The following CD9 variants were observed in gnomAD, a reference collection of about 807,000 sequenced individuals.
CD9 encodes the protein CD9 antigen.
Under a neutral mutation model 31.4 loss-of-function variants are expected in CD9, and 10 were observed. The ratio of observed to expected loss-of-function variants is 0.32; its 90% confidence interval spans 0.20 to 0.54. The LOEUF is 0.54. CD9 is among the 20% of genes least tolerant of loss of function. CD9 has a pLI of 0.94. For synonymous variants in CD9, 113 were observed against 114.1 expected (o/e 0.99, Z 0.06); for missense variants, 259 against 300.1 (o/e 0.86, Z 1.01).
chr12:6,209,741 G>A (rs547900407), intron 1 of CD9, among the ~76,000 whole-genome samples: 1 of 146,598 alleles, frequency 6.8e-6, no homozygotes, highest in Admixed American at 6.9e-5. Flanking sequence ...CTGGAGTGTA[G>A]TGGCACAATC....
Position 6,232,716 on chromosome 12 carries a change from G to C in CD9, c.260G>C (p.Cys87Ser). The C allele has an allele frequency of 1.3e-6, 2 of 1,559,208 alleles. No homozygotes were observed. The highest frequency in any genetic ancestry group is 1.7e-6 in the Non-Finnish European group (2 of 1,155,358). Residue 87 changes from cysteine to serine, a missense_variant, in exon 3 of 8, where the codon TGC becomes TCC. Transcript: ENST00000009180. The surrounding 1 kb of genome is among the most constrained non-coding windows in gnomAD (Gnocchi z 4.8). The part of the protein sequence containing the change: ...GCCGAVQESQ[C>S]MLGLFFGFLL... ...TGCGGGGCTGTGCAGGAGTCCCAGT[G>C]CATGCTGGGACTGGTGAGTATCCCC...
At position 6,232,725 on chromosome 12, in the gene CD9, G is replaced by A; in HGVS notation, c.269G>A (p.Gly90Glu). Residue 90 changes from glycine (G) to glutamate (E), a missense_variant, in exon 3 of 8, where the codon GGA (glycine) becomes GAA (glutamate). Transcript: ENST00000009180. The surrounding 1 kb of genome is among the most constrained non-coding windows in gnomAD (Gnocchi z 4.8). ...GTGCAGGAGTCCCAGTGCATGCTGG[G>A]ACTGGTGAGTATCCCCTCGGCATCC... ...GAVQESQCML[G>E]LFFGFLLVIF... 2 of 1,554,410 alleles carry A rather than the reference G, an allele frequency of 1.3e-6. No homozygotes were observed. Among genetic ancestry groups the A allele is most frequent in the Non-Finnish European group, 1.7e-6 (2 of 1,153,876 alleles).
rs1479784463 is a variant in CD9, at chr12:6,228,569, A to C, written c.175+3035A>C. The stretch of plus-strand genomic sequence containing the variant: ...GCGGGACTCCATCTCAAAAAAAAAA[A>C]AAAAAAAAAAAACAGCAGCACAGCA... On this transcript the variant is annotated intron_variant, in intron 2 of 7. Coordinates refer to ENST00000009180, the MANE Select transcript of CD9 (RefSeq NM_001769.4). Among the ~76,000 whole-genome samples, 4 of 151,106 alleles carry C rather than the reference A, an allele frequency of 2.6e-5. No homozygotes were observed. The South Asian group carries it at 8.4e-4, about 32-fold the overall frequency.
Position 6,237,882 on chromosome 12 carries a change from TTTTG to T in CD9, c.*66_*69del, listed in dbSNP as rs549100200. ...TTTACCCATGAAGATTGGTGGGATT[TTTTG>T]TTTGTTTGTTTTGTTTTGTTTGTTG... On this transcript the variant is annotated 3_prime_UTR_variant, in exon 8 of 8. Coordinates refer to ENST00000009180, the MANE Select transcript of CD9 (RefSeq NM_001769.4). The T allele has an allele frequency of 4.0e-5, 54 of 1,353,244 alleles. No individual in the cohort carries two copies. Among genetic ancestry groups the T allele is most frequent in the East Asian group, 2.8e-4 (12 of 43,416 alleles). 83.8% of individuals were successfully genotyped at this position (1,353,244 alleles called of 1,614,324 possible). A position where few individuals can be genotyped will look rare whatever the true frequency, so the allele number is the denominator to read the frequency against.
intron 1 of CD9, among the ~76,000 whole-genome samples, chr12:6,204,155 T>C (rs1249145972): frequency 6.6e-6 from 1 of 152,180 alleles, no homozygotes; most frequent in East Asian, 1.9e-4. Flanking sequence ...AGTTTCCTCA[T>C]CTGTAAAACA....
At chr12:6,202,732 C>T (rs1946090696) in intron 1 of CD9, among the ~76,000 whole-genome samples, 1 of 152,136 alleles carries the variant, frequency 6.6e-6, no homozygotes, top group African/African-American at 2.4e-5. Flanking sequence ...CAGCTGATGA[C>T]CTATGTAGTC....
At chr12:6,229,245 G>GC (rs1413917091) in intron 2 of CD9, among the ~76,000 whole-genome samples, 3 of 152,132 alleles carry the variant, frequency 2.0e-5, no homozygotes, top group Non-Finnish European at 4.4e-5. Context: ...GGCCGTGAAT[G>GC]CCCCCCCTTC....
chr12:6,214,060 T>C (rs1403080605), intron 1 of CD9, among the ~76,000 whole-genome samples: 3 of 152,180 alleles, frequency 2.0e-5, no homozygotes, highest in African/African-American at 7.2e-5. Context: ...GGAAGCACCG[T>C]GCATCGAGAA....
rs571080494 is a variant in CD9 at position 6,229,508 on chromosome 12, C to T, written c.176-3124C>T. Among the ~76,000 whole-genome samples, 9 of 152,330 alleles carry T rather than the reference C, an allele frequency of 5.9e-5. No homozygotes were observed. In the South Asian group the frequency reaches 1.2e-3, roughly 21 times the overall value. ...GGAATTCCATTGTGGCACTTATTCC[C>T]GTGAACTCGGGAGGGCGGGAACCAA... On this transcript the variant is annotated intron_variant, in intron 2 of 7. Coordinates refer to ENST00000009180, the MANE Select transcript of CD9 (RefSeq NM_001769.4).
chr12:6,231,159 C>T (rs1346472713), intron 2 of CD9, among the ~76,000 whole-genome samples: 1 of 152,156 alleles, frequency 6.6e-6, no homozygotes, highest in Admixed American at 6.5e-5. Context: ...TCTCTCTGGT[C>T]CCAGTGAAAG....
chr12:6,233,552 G>A (rs1250486377), intron 4 of CD9, 66 bp downstream of exon 4: 2 of 1,204,004 alleles, frequency 1.7e-6, no homozygotes, highest in Non-Finnish European at 2.5e-6. Flanking sequence ...GAAGCAGGGG[G>A]CAAGTCCTGG....
chr12:6,224,907 C>T (rs1345608355), intron 1 of CD9: 1 of 152,986 alleles, frequency 6.5e-6, no homozygotes, highest in Non-Finnish European at 1.5e-5. Context: ...ATACGACACC[C>T]CCAGCCACAT....
chr12:6,235,541 C>T lies in CD9; in HGVS notation c.513C>T (p.Asp171=), dbSNP rs774713888. ...QFISDICPKK[D]VLETFTVKSC... The stretch of plus-strand genomic sequence containing the variant: ...TCTCAGACATCTGCCCCAAGAAGGA[C>T]GTACTCGAAACCTTCACCGTGAAGG... The change falls in exon 6 of 8, where the codon GAC becomes GAT. Residue 171 remains aspartate (D), a synonymous_variant. Transcript: ENST00000009180. 47 of 1,613,344 alleles carry T rather than the reference C, an allele frequency of 2.9e-5. No individual in the cohort carries two copies. The African/African-American group carries it at 3.2e-4, about 11-fold the overall frequency.
intron 1 of CD9, among the ~76,000 whole-genome samples, chr12:6,214,486 A>G (rs1202854666): frequency 6.6e-6 from 1 of 150,460 alleles, no homozygotes; most frequent in Non-Finnish European, 1.5e-5. Context: ...AGCTGGAACT[A>G]CAGGCGTGTG....
At chr12:6,233,040 G>A (rs369127119) in intron 3 of CD9, 19 of 702,128 alleles carry the variant, frequency 2.7e-5, no homozygotes, top group Middle Eastern at 2.3e-4. Flanking sequence ...TTCAAAATCT[G>A]TTTTGGTCTT....
At chr12:6,225,131 T>TG (rs1486592487) in intron 1 of CD9, 1 of 360,650 alleles carries the variant, frequency 2.8e-6, no homozygotes, top group Non-Finnish European at 5.0e-6. Context: ...CTCATGGTGT[T>TG]GCGTGTAGCT....
intron 7 of CD9, 118 bp downstream of exon 7, chr12:6,236,393 C>T (rs1160533512): frequency 1.2e-6 from 1 of 853,532 alleles, no homozygotes; most frequent in Non-Finnish European, 1.9e-6. Context: ...GTCCTCGTGC[C>T]CTTAGTATTT....
intron 2 of CD9, among the ~76,000 whole-genome samples, chr12:6,227,358 C>A (rs1208522617): frequency 6.6e-6 from 1 of 151,992 alleles, no homozygotes; most frequent in African/African-American, 2.4e-5. Context: ...GCCACCATGC[C>A]CAGCTGATTT....
At chr12:6,223,720 C>T (rs1002961939) in intron 1 of CD9, among the ~76,000 whole-genome samples, 18 of 152,244 alleles carry the variant, frequency 1.2e-4, no homozygotes, top group African/African-American at 3.6e-4. Flanking sequence ...CAGCAGGGCC[C>T]GCCTCCCCGC....
Sources: allele counts gnomAD v4.1 joint callset (sites outside exome capture counted in the v4.1 genomes callset), GRCh38; gene constraint gnomAD v4.1.1; non-coding constraint Gnocchi (gnomAD v3.1); transcripts MANE v1.5; gene names NCBI Gene and HGNC (gene_info 2026-07-23, HGNC 2026-07-21).